Variants in UNC93A observed in about 807,000 individuals in gnomAD.
UNC93A encodes unc-93 homolog A, also known as N-acetylglucosamine transporter UNC93A.
UNC93A carries 43 observed loss-of-function variants against 47.5 expected under a neutral mutation model. The ratio of observed to expected loss-of-function variants is 0.91; its 90% CI spans 0.71 to 1.17. UNC93A has a LOEUF of 1.17. Among genes scored for constraint, UNC93A ranks in the 50% most tolerant of loss-of-function variants. The pLI is 0.00. For synonymous variants in UNC93A, 280 were observed against 258.0 expected, an observed-to-expected ratio of 1.09 and a Z score of -0.82; for missense variants, 605 against 577.6, an observed-to-expected ratio of 1.05 and a Z score of -0.49.
intron 1 of UNC93A, among the ~76,000 whole-genome samples, chr6:167,273,593 C>T (rs1391693087): frequency 2.0e-5 from 3 of 152,164 alleles, no homozygotes; most frequent in African/African-American, 4.8e-5. Context: ...CGTGAGTGAC[C>T]ATGGCCCGTG....
intron 1 of UNC93A, among the ~76,000 whole-genome samples, chr6:167,280,306 G>A (rs1169627198): frequency 1.3e-5 from 2 of 152,146 alleles, no homozygotes; most frequent in Non-Finnish European, 2.9e-5. Flanking sequence ...AGGGGAAGGA[G>A]GAGCACATTT....
In UNC93A at chr6:167,273,687, G is replaced by A. The variant is rs192033521; in HGVS notation, c.-52+2229G>A. ...TTTTATACATGCTATAGGGCATAAG[G>A]CATCAATCAATACATTTAAGCTGTA... On this transcript the variant is annotated intron_variant, in intron 1 of 3. Coordinates refer to the UNC93A transcript ENST00000503433. 4.3e-3 allele frequency among the ~76,000 whole-genome samples: 650 copies of A among 152,230 alleles called. 7 individuals are homozygous for A. The highest frequency in any genetic ancestry group is 0.015 in the African/African-American group (630 of 41,496).
At chr6:167,277,344 C>G (rs76472788) in intron 1 of UNC93A, among the ~76,000 whole-genome samples, 5 of 152,288 alleles carry the variant, frequency 3.3e-5, no homozygotes, top group African/African-American at 1.2e-4. Flanking sequence ...GCCGGTGGAG[C>G]CTTCCAGCTG....
chr6:167,293,920 T>C (rs1378139301), intron 1 of UNC93A, among the ~76,000 whole-genome samples: 1 of 152,132 alleles, frequency 6.6e-6, no homozygotes, highest in Non-Finnish European at 1.5e-5. Flanking sequence ...CTCGTGGCGG[T>C]GTGTGCCTGC....
In UNC93A at chr6:167,299,136, A is replaced by AAAG. The variant is rs3046653; in HGVS notation, c.625+1066_625+1067insAAG. 8.0e-5 allele frequency among the ~76,000 whole-genome samples: 9 copies of AAAG among 112,890 alleles called. 1 individual carries two copies. Among genetic ancestry groups the AAAG allele is most frequent in the East Asian group, 3.2e-4 (1 of 3,092 alleles). The allele number at this position is 112,890 out of a possible 152,430, so 74.1% of individuals were successfully genotyped here. On this transcript the variant is annotated intron_variant, in intron 4 of 7. Transcript: ENST00000230256. Reference sequence around the variant, plus strand: ...CCATCTCAAAAAAAAAAAAATACACACACACACACACACACATATTTATAT... The same window carrying AAAG: ...CCATCTCAAAAAAAAAAAAATACACAAAGCACACACACACACACATATTTATAT...
chr6:167,293,436 T>C (rs1054027613), intron 1 of UNC93A, among the ~76,000 whole-genome samples: 2 of 152,174 alleles, frequency 1.3e-5, no homozygotes, highest in Non-Finnish European at 2.9e-5. Context: ...ACCTTGAGCA[T>C]GCGGACGTGC....
At chr6:167,287,343 G>C (rs893992258), upstream of UNC93A, among the ~76,000 whole-genome samples, 3 of 152,210 alleles carry the variant, frequency 2.0e-5, no homozygotes, top group Non-Finnish European at 2.9e-5. Flanking sequence ...TCTGCCGCCC[G>C]TGTGGAGATG....
In UNC93A at chr6:167,295,591, C is replaced by A. The variant is rs1298346770; in HGVS notation, c.270-441C>A. On this transcript the variant is annotated intron_variant, in intron 2 of 7. Transcript: ENST00000230256. The stretch of plus-strand genomic sequence containing the variant: ...CCTCGTGATCCTCGCCTGCCTCGTG[C>A]TCCTCGCCTCCCTCGTGCTCCTCGC... Among the ~76,000 whole-genome samples the A allele has an allele frequency of 3.5e-3, 287 of 82,366 alleles. 18 individuals carry two copies. The highest frequency in any genetic ancestry group is 4.7e-3 in the Non-Finnish European group (211 of 45,082). 54.0% of individuals were successfully genotyped at this position (82,366 alleles called of 152,430 possible). A position where few individuals can be genotyped will look rare whatever the true frequency, so the allele number is the denominator to read the frequency against.
chr6:167,314,241 C>T (rs1022653631), intron 7 of UNC93A, among the ~76,000 whole-genome samples: 2 of 152,214 alleles, frequency 1.3e-5, no homozygotes, highest in African/African-American at 4.8e-5. Flanking sequence ...GTGTGTCTTG[C>T]GCTGAACCAG....
chr6:167,304,099 T>G lies in UNC93A; in HGVS notation c.806T>G (p.Leu269Trp), dbSNP rs763184839. The stretch of plus-strand genomic sequence containing the variant: ...ATTCTGCTGCCGCTGTACAGTGGAT[T>G]GCAGCAAGGATTCCTCTCCAGCGAA... ...LLILLPLYSG[L>W]QQGFLSSEYT... Residue 269 changes from leucine to tryptophan, a missense_variant, in exon 5 of 8, where the codon TTG (leucine) becomes TGG (tryptophan). Coordinates refer to ENST00000230256, the MANE Select transcript of UNC93A (RefSeq NM_018974.4). 1.2e-6 allele frequency: 2 copies of G among 1,614,074 alleles called. No individual in the cohort carries two copies. Among genetic ancestry groups the G allele is most frequent in the African/African-American group, 2.7e-5 (2 of 74,902 alleles).
intron 7 of UNC93A, among the ~76,000 whole-genome samples, chr6:167,312,106 AGAGCACC>A (rs1778573488): frequency 6.6e-6 from 1 of 151,416 alleles, no homozygotes; most frequent in Non-Finnish European, 1.5e-5. Context: ...ACCCTTTTGA[AGAGCACC>A]GTAGTCTGTA....
chr6:167,314,599 TG>T (rs750508261), intron 7 of UNC93A, among the ~76,000 whole-genome samples: 6 of 152,224 alleles, frequency 3.9e-5, no homozygotes, highest in Non-Finnish European at 7.3e-5. Context: ...AAAGTCTAGC[TG>T]GGAACTGCTT....
At chr6:167,298,307 G>T in intron 4 of UNC93A, 1 of 452,176 alleles carries the variant, frequency 2.2e-6, no homozygotes, top group Non-Finnish European at 3.7e-6. Flanking sequence ...CATCTCCAGA[G>T]CCCAACACAG....
chr6:167,284,531 T>C (rs1783688505), intron 1 of UNC93A, among the ~76,000 whole-genome samples: 1 of 152,288 alleles, frequency 6.6e-6, no homozygotes, highest in South Asian at 2.1e-4. Context: ...GCCCATCCTC[T>C]CCGCTAAGCC....
chr6:167,297,950 C>G lies in UNC93A; in HGVS notation c.505C>G (p.Leu169Val), dbSNP rs891274233. ...TGTCCACTCTGACTTCATAGAGACC[C>G]TTCCAGAAGAGCAGCTCACGTCCTG... ...VFGQTPSQET[L>V]PEEQLTSCGA... Residue 169 changes from leucine (L) to valine (V), a missense_variant, in exon 4 of 8, where the codon CTT becomes GTT. Transcript: ENST00000230256. The G allele has an allele frequency of 6.2e-7, 1 of 1,613,782 alleles. No individual in the cohort carries two copies. The highest frequency in any genetic ancestry group is 1.3e-5 in the African/African-American group (1 of 74,864).
chr6:167,314,205 G>A (rs1214713884), intron 7 of UNC93A, among the ~76,000 whole-genome samples: 4 of 150,414 alleles, frequency 2.7e-5, no homozygotes, highest in African/African-American at 7.3e-5. Context: ...GCGAATCTTC[G>A]GCAAGACGGT....
chr6:167,289,404 A>T (rs1332217071), upstream of UNC93A, among the ~76,000 whole-genome samples: 23 of 152,208 alleles, frequency 1.5e-4, no homozygotes, highest in African/African-American at 5.3e-4. Context: ...TGTTCATTTA[A>T]AAAAAATCCC....
At chr6:167,272,331 G>A (rs1417355864) in intron 1 of UNC93A, among the ~76,000 whole-genome samples, 1 of 152,186 alleles carries the variant, frequency 6.6e-6, no homozygotes. Context: ...GCCTGCTCCC[G>A]GTCCCAGTGA....
At position 167,296,116 on chromosome 6, in the gene UNC93A, G is replaced by T. The variant is rs1211437786; in HGVS notation, c.354G>T (p.Thr118=). ...WSAQCTYLTI[T]GNTHAEKAGK... is the part of the protein sequence containing the mutation. Reference sequence around the variant, plus strand: ...CACAGTGCACATACCTCACGATCACGGGAAACACACATGCAGAGAAGGCGG... The same window carrying T: ...CACAGTGCACATACCTCACGATCACTGGAAACACACATGCAGAGAAGGCGG... The change falls in exon 3 of 8, where the codon ACG becomes ACT. Residue 118 remains threonine (T), a synonymous_variant. Coordinates refer to ENST00000230256, the MANE Select transcript of UNC93A (RefSeq NM_018974.4). 1 of 1,614,220 alleles carries T rather than the reference G, an allele frequency of 6.2e-7. No homozygotes were observed. The highest frequency in any genetic ancestry group is 8.5e-7 in the Non-Finnish European group (1 of 1,180,050).
Sources: gnomAD v4.1 joint callset for allele counts (sites outside exome capture counted in the v4.1 genomes callset) on GRCh38, gnomAD v4.1.1 for gene constraint, MANE v1.5 for transcripts, NCBI Gene and HGNC (gene_info 2026-07-23, HGNC 2026-07-21) for gene names.